The following FZD3 variants were observed in gnomAD, a reference collection of about 807,000 sequenced individuals.
FZD3 encodes frizzled class receptor 3.
In FZD3, 30 loss-of-function variants were observed where a neutral mutation model predicts 60.7. The observed-to-expected ratio is 0.49, with a 90% confidence interval of 0.37 to 0.67. The LOEUF (loss-of-function observed/expected upper bound fraction) is 0.67. Ranked by LOEUF, FZD3 falls within the 30% of genes least tolerant of loss-of-function variation. The pLI, the probability that FZD3 is intolerant of heterozygous loss-of-function variation, is 0.00. For missense variants in FZD3, 605 were observed against 838.7 expected (o/e 0.72, Z 3.44); for synonymous variants, 246 against 275.2 (o/e 0.89, Z 1.05).
rs78031051 is a variant in FZD3 at position 28,500,149 on chromosome 8, C to T, written c.-345+171C>T. On this transcript the variant is annotated intron_variant, in intron 2 of 7. Coordinates refer to ENST00000240093, the MANE Select transcript of FZD3 (RefSeq NM_017412.4). ...TCACTGAATTCCACTGCTGTTTTTT[C>T]CCTTCTTTTAATAATCATAAACTGC... is the stretch of plus-strand genomic sequence containing the variant. 6.9e-3 allele frequency among the ~76,000 whole-genome samples: 1,048 copies of T among 152,152 alleles called. 13 individuals carry two copies. The highest frequency in any genetic ancestry group is 0.029 in the South Asian group (138 of 4,822).
At chr8:28,524,857 C>T (rs1037940425) in intron 4 of FZD3, among the ~76,000 whole-genome samples, 1 of 152,206 alleles carries the variant, frequency 6.6e-6, no homozygotes, top group African/African-American at 2.4e-5. Flanking sequence ...GTCTCCACGA[C>T]CTCAATTTTG....
At chr8:28,561,378 AT>A (rs1298135467) in intron 7 of FZD3, among the ~76,000 whole-genome samples, 1 of 152,106 alleles carries the variant, frequency 6.6e-6, no homozygotes, top group Non-Finnish European at 1.5e-5. Flanking sequence ...TTAAAAAAAA[AT>A]TTTTTTCAAA....
At chr8:28,507,372 C>T (rs1440659158) in intron 3 of FZD3, among the ~76,000 whole-genome samples, 1 of 152,082 alleles carries the variant, frequency 6.6e-6, no homozygotes, top group Non-Finnish European at 1.5e-5. Context: ...TAAACAGGCA[C>T]TGTAGAGGCT....
rs1420062122 is a variant in FZD3 at position 28,565,409 on chromosome 8, T to A, written c.*2398T>A. 2 of 152,176 alleles carry A rather than the reference T, an allele frequency of 1.3e-5. No homozygotes were observed. The highest frequency in any genetic ancestry group is 2.4e-5 in the African/African-American group (1 of 41,460). The allele number at this position is 152,176 out of a possible 1,614,324, so 9.4% of individuals were successfully genotyped here. On this transcript the variant is annotated 3_prime_UTR_variant, in exon 8 of 8. Transcript: ENST00000240093. ...GAAGCTTTTGTCTGAGAATCTCTCC[T>A]GCAAACAGCATGAGAGAACTAAAAC...
In FZD3 at chr8:28,527,719, G is replaced by T; in HGVS notation, c.959G>T (p.Gly320Val). The change falls in exon 5 of 8, where the codon GGT (glycine) becomes GTT (valine). Residue 320 changes from glycine to valine, a missense_variant. Gly to Val is a moderately radical substitution (Grantham distance 109). Transcript: ENST00000240093. The surrounding 1 kb of genome is among the most constrained non-coding windows in gnomAD (Gnocchi z 5.0). The part of the protein sequence containing the change: ...TWFLAAVPKW[G>V]SEAIEKKALL... ...TTTTTAGCAGCTGTGCCAAAGTGGG[G>T]TAGTGAAGCTATTGAGAAGAAAGCA... is the stretch of plus-strand genomic sequence containing the variant. 1 of 1,614,108 alleles carries T rather than the reference G, an allele frequency of 6.2e-7. No homozygotes were observed. Among genetic ancestry groups the T allele is most frequent in the Non-Finnish European group, 8.5e-7 (1 of 1,179,954 alleles).
intron 7 of FZD3, among the ~76,000 whole-genome samples, chr8:28,559,484 G>A (rs1237638614): frequency 6.6e-6 from 1 of 152,072 alleles, no homozygotes; most frequent in Admixed American, 6.6e-5. Flanking sequence ...ACAGTACTAG[G>A]CATATATATA....
Position 28,551,623 on chromosome 8 carries a change from A to C in FZD3, c.1425A>C (p.Pro475=). Residue 475 remains proline (P), a synonymous_variant, in exon 6 of 8, where the codon CCA becomes CCC. Transcript: ENST00000240093. ...CPYQVTQMSR[P]DLILFLMKYL... is the part of the protein sequence containing the mutation. ...TCCAGGTTACTCAAATGAGTCGTCC[A>C]GACTTGATTCTCTTTCTGATGAAAT... 1 of 1,610,016 alleles carries C rather than the reference A, an allele frequency of 6.2e-7. No individual in the cohort carries two copies. The highest frequency in any genetic ancestry group is 1.1e-5 in the South Asian group (1 of 90,660).
rs10684384 is a variant in FZD3 at position 28,494,313 on chromosome 8, C to CCCCA, written c.-421_-420insCCCA. The CCCCA allele has an allele frequency of 6.6e-6, 1 of 151,796 alleles. No individual in the cohort carries two copies. Among genetic ancestry groups the CCCCA allele is most frequent in the East Asian group, 2.0e-4 (1 of 5,124 alleles). The allele number at this position is 151,796 out of a possible 1,614,324, so 9.4% of individuals were successfully genotyped here. ...CCCGCGGCAGGCGGTGCAGCCCCCC[C>CCCCA]ACCCCTTGGAGCCAGGCGCCGGGGT... On this transcript the variant is annotated 5_prime_UTR_variant, in exon 1 of 8. Transcript: ENST00000240093.
rs114269114 is a variant in FZD3 at position 28,523,702 on chromosome 8, G to A, written c.386+2868G>A. 3.2e-3 allele frequency among the ~76,000 whole-genome samples: 493 copies of A among 152,246 alleles called. 5 individuals carry two copies. Among genetic ancestry groups the A allele is most frequent in the African/African-American group, 0.011 (459 of 41,532 alleles). ...GCCTCCTAAAGTGCTGGGATTACAA[G>A]CTAAGCCACTGCGCTTGGCCAGGCT... On this transcript the variant is annotated intron_variant, in intron 4 of 7. Coordinates refer to ENST00000240093, the MANE Select transcript of FZD3 (RefSeq NM_017412.4).
In FZD3 at chr8:28,569,858, T is replaced by C. The variant is rs954051733; in HGVS notation, c.*6847T>C. On this transcript the variant is annotated 3_prime_UTR_variant, in exon 8 of 8. Transcript: ENST00000240093. Reference sequence around the variant, plus strand: ...TTCTCTTAAATATGAATATAGCTAGTTAGCCTAAAATTTACACAAAATGTA... The same window carrying C: ...TTCTCTTAAATATGAATATAGCTAGCTAGCCTAAAATTTACACAAAATGTA... 2 of 152,238 alleles carry C rather than the reference T, an allele frequency of 1.3e-5. No individual in the cohort carries two copies. The highest frequency in any genetic ancestry group is 4.8e-5 in the African/African-American group (2 of 41,468). 9.4% of individuals were successfully genotyped at this position (152,238 alleles called of 1,614,324 possible).
chr8:28,547,649 T>G (rs1435355067), intron 5 of FZD3, among the ~76,000 whole-genome samples: 1 of 152,248 alleles, frequency 6.6e-6, no homozygotes, highest in Non-Finnish European at 1.5e-5. Flanking sequence ...TTTTGTTTTC[T>G]GTAAATTGTT....
chr8:28,518,858 A>T (rs2130342944), intron 3 of FZD3, among the ~76,000 whole-genome samples: 1 of 152,272 alleles, frequency 6.6e-6, no homozygotes, highest in Non-Finnish European at 1.5e-5. Flanking sequence ...GTATCAGGCT[A>T]CCTGTTTGTG....
intron 3 of FZD3, among the ~76,000 whole-genome samples, chr8:28,513,396 G>A (rs771776758): frequency 7.2e-5 from 11 of 152,086 alleles, no homozygotes; most frequent in Non-Finnish European, 1.3e-4. Context: ...ATATTCTTCC[G>A]TGATAATGAG....
chr8:28,520,888 A>G, intron 4 of FZD3, 54 bp downstream of exon 4: 1 of 1,200,832 alleles, frequency 8.3e-7, no homozygotes, highest in Non-Finnish European at 1.1e-6. Flanking sequence ...ATATGTTTAA[A>G]AGTACTTGTC....
intron 7 of FZD3, among the ~76,000 whole-genome samples, chr8:28,559,038 A>G (rs1411346480): frequency 6.6e-6 from 1 of 152,228 alleles, no homozygotes; most frequent in Non-Finnish European, 1.5e-5. Context: ...AGGAAAGAGA[A>G]AGGTCAGATT....
rs1211242015 is a variant in FZD3 at position 28,565,934 on chromosome 8, A to G, written c.*2923A>G. 6.6e-6 allele frequency: 1 copy of G among 151,134 alleles called. No individual in the cohort carries two copies. The highest frequency in any genetic ancestry group is 2.4e-5 in the African/African-American group (1 of 41,118). The allele number at this position is 151,134 out of a possible 1,614,324, so 9.4% of individuals were successfully genotyped here. A position where few individuals can be genotyped will look rare whatever the true frequency, so the allele number is the denominator to read the frequency against. On this transcript the variant is annotated 3_prime_UTR_variant, in exon 8 of 8. Transcript: ENST00000240093. ...TAATAGTTCTCTCTAACATGTTAAT[A>G]TATTATCAAAAGGTTTTCAAAAAGT...
In FZD3 at chr8:28,570,177, C is replaced by G. The variant is rs1805779092; in HGVS notation, c.*7166C>G. ...ACAGAAAATGTTTCTGGAAAAATTC[C>G]TTAATTGTCATCTGATATAATGTAG... On this transcript the variant is annotated 3_prime_UTR_variant, in exon 8 of 8. Coordinates refer to ENST00000240093, the MANE Select transcript of FZD3 (RefSeq NM_017412.4). 6.6e-6 allele frequency: 1 copy of G among 152,028 alleles called. No individual in the cohort carries two copies. Among genetic ancestry groups the G allele is most frequent in the South Asian group, 2.1e-4 (1 of 4,820 alleles). 9.4% of individuals were successfully genotyped at this position (152,028 alleles called of 1,614,324 possible). A position where few individuals can be genotyped will look rare whatever the true frequency, so the allele number is the denominator to read the frequency against.
chr8:28,571,616 C>A lies in FZD3; in HGVS notation c.*8605C>A, dbSNP rs1222938911. The A allele has an allele frequency of 6.6e-6, 1 of 152,140 alleles. No individual in the cohort carries two copies. Among genetic ancestry groups the A allele is most frequent in the Admixed American group, 6.5e-5 (1 of 15,274 alleles). 9.4% of individuals were successfully genotyped at this position (152,140 alleles called of 1,614,324 possible). A position where few individuals can be genotyped will look rare whatever the true frequency, so the allele number is the denominator to read the frequency against. On this transcript the variant is annotated 3_prime_UTR_variant, in exon 8 of 8. Transcript: ENST00000240093. ...TCCCTAGAATCACCCCATTTCATGT[C>A]TTTAACCCCAACTTCCAACAACTTT...
intron 4 of FZD3, among the ~76,000 whole-genome samples, chr8:28,521,486 T>C (rs1204287940): frequency 6.6e-6 from 1 of 152,188 alleles, no homozygotes; most frequent in African/African-American, 2.4e-5. Context: ...TCTATTATTA[T>C]CTAGCTTTGC....
Sources: gnomAD v4.1 joint callset for allele counts (sites outside exome capture counted in the v4.1 genomes callset) on GRCh38, gnomAD v4.1.1 for gene constraint, Gnocchi (gnomAD v3.1) non-coding constraint, MANE v1.5 for transcripts, NCBI Gene and HGNC (gene_info 2026-07-23, HGNC 2026-07-21) for gene names.